The following SNTG1 variants were observed in gnomAD, a reference collection of about 807,000 sequenced individuals.
SNTG1 encodes the protein syntrophin gamma 1, also known as gamma-1-syntrophin.
In SNTG1, 39 loss-of-function variants were observed where a neutral mutation model predicts 74.7. That is an observed-to-expected ratio of 0.52 (90% CI 0.40 to 0.68). The LOEUF (loss-of-function observed/expected upper bound fraction) is 0.68, where lower values mean the gene tolerates loss of function less well. Ranked by LOEUF, SNTG1 falls within the 30% of genes least tolerant of loss-of-function variation. The probability of loss-of-function intolerance (pLI) is 0.00; values close to 1 mark genes in which losing one functional copy is unlikely to be tolerated. For synonymous variants in SNTG1, 254 were observed against 217.1 expected (o/e 1.17, Z -1.49); for missense variants, 685 against 609.5 (o/e 1.12, Z -1.30).
At chr8:50,652,262 C>T (rs1185727074) in intron 13 of SNTG1, among the ~76,000 whole-genome samples, 2 of 152,050 alleles carry the variant, frequency 1.3e-5, no homozygotes, top group South Asian at 4.1e-4. Flanking sequence ...GTAATCACTT[C>T]TTGTCATTTC....
chr8:50,495,981 A>G (rs1037229692), intron 8 of SNTG1, among the ~76,000 whole-genome samples: 3 of 152,154 alleles, frequency 2.0e-5, no homozygotes, highest in Non-Finnish European at 2.9e-5. Flanking sequence ...CAGTTCGTAA[A>G]TGACTGCATA....
chr8:50,028,719 A>C (rs1179804015), intron 1 of SNTG1, among the ~76,000 whole-genome samples: 1 of 152,090 alleles, frequency 6.6e-6, no homozygotes, highest in Non-Finnish European at 1.5e-5. Context: ...GTGCACATGT[A>C]CCCTAAAACT....
chr8:50,248,035 C>T (rs1275517899), intron 2 of SNTG1, among the ~76,000 whole-genome samples: 1 of 152,118 alleles, frequency 6.6e-6, no homozygotes, highest in Non-Finnish European at 1.5e-5. Context: ...TTCACATCTT[C>T]TTCCCTCCAT....
chr8:50,646,932 T>A (rs191357113), intron 13 of SNTG1, among the ~76,000 whole-genome samples: 1 of 152,108 alleles, frequency 6.6e-6, no homozygotes, highest in East Asian at 1.9e-4. Context: ...TAGTTAATCT[T>A]TAAAAAAGGA....
intron 17 of SNTG1, among the ~76,000 whole-genome samples, chr8:50,745,794 C>A (rs571906590): frequency 8.6e-5 from 13 of 152,006 alleles, no homozygotes; most frequent in African/African-American, 2.9e-4. Flanking sequence ...TTTTATGATT[C>A]CCCTTAAATG....
At chr8:50,514,868 C>A (rs1645948377) in intron 9 of SNTG1, among the ~76,000 whole-genome samples, 1 of 152,080 alleles carries the variant, frequency 6.6e-6, no homozygotes, top group African/African-American at 2.4e-5. Flanking sequence ...CCCTTTAATT[C>A]TGTCAAAGTT....
At chr8:50,591,735 T>C (rs1054012932) in intron 13 of SNTG1, among the ~76,000 whole-genome samples, 1 of 152,230 alleles carries the variant, frequency 6.6e-6, no homozygotes, top group East Asian at 1.9e-4. Flanking sequence ...CAAAGCCATG[T>C]GTAACTAGAA....
chr8:49,957,185 A>T (rs905911026), intron 1 of SNTG1, among the ~76,000 whole-genome samples: 1 of 152,190 alleles, frequency 6.6e-6, no homozygotes, highest in Non-Finnish European at 1.5e-5. Context: ...ACTGGTGTTC[A>T]TGTGGGGATC....
chr8:50,285,012 T>C (rs2088685366), intron 2 of SNTG1, among the ~76,000 whole-genome samples: 1 of 152,182 alleles, frequency 6.6e-6, no homozygotes, highest in Non-Finnish European at 1.5e-5. Flanking sequence ...TTTCATTTCA[T>C]TCTGTTTTTT....
chr8:50,277,044 G>T (rs2088155151), intron 2 of SNTG1, among the ~76,000 whole-genome samples: 1 of 152,006 alleles, frequency 6.6e-6, no homozygotes. Context: ...TAGCCAGGAT[G>T]GTCTCGATCT....
At chr8:50,645,065 T>C (rs963759385) in intron 13 of SNTG1, among the ~76,000 whole-genome samples, 30 of 152,026 alleles carry the variant, frequency 2.0e-4, no homozygotes, top group Non-Finnish European at 3.7e-4. Flanking sequence ...CTCAGCTGCT[T>C]TCAGTTGTAA....
At chr8:50,401,149 T>C (rs4410921) in intron 3 of SNTG1, among the ~76,000 whole-genome samples, 104,503 of 151,868 alleles carry the variant, frequency 0.69, 36,170 homozygotes, top group East Asian at 0.84. Context: ...CATATATATA[T>C]TCCACTATCT....
At chr8:50,151,322 C>A (rs373033427) in intron 1 of SNTG1, among the ~76,000 whole-genome samples, 1 of 151,968 alleles carries the variant, frequency 6.6e-6, no homozygotes, top group African/African-American at 2.4e-5. Context: ...ATTAGTCTTG[C>A]TAGTGGTCTA....
chr8:50,549,257 AG>A (rs5891374), intron 11 of SNTG1, among the ~76,000 whole-genome samples: 14,081 of 152,216 alleles, frequency 0.093, 849 homozygotes, highest in Middle Eastern at 0.26. Flanking sequence ...TAGTGCACAC[AG>A]GGAAGAAACA....
At chr8:50,606,307 C>G (rs1050623910) in intron 13 of SNTG1, among the ~76,000 whole-genome samples, 2 of 152,022 alleles carry the variant, frequency 1.3e-5, no homozygotes, top group Non-Finnish European at 2.9e-5. Context: ...TAGCTCTCTA[C>G]CTTTCTTAGA....
intron 8 of SNTG1, among the ~76,000 whole-genome samples, chr8:50,498,500 T>C (rs898859697): frequency 3.3e-5 from 5 of 152,006 alleles, no homozygotes; most frequent in Admixed American, 6.5e-5. Flanking sequence ...TCCAAGTATA[T>C]ATTATTTATC....
At chr8:50,590,254 G>A (rs2094683166) in intron 12 of SNTG1, among the ~76,000 whole-genome samples, 1 of 152,096 alleles carries the variant, frequency 6.6e-6, no homozygotes, top group Admixed American at 6.6e-5. Context: ...AAGCACTATT[G>A]AAGAAAGACT....
chr8:50,355,117 C>G (rs1276626528), intron 2 of SNTG1, among the ~76,000 whole-genome samples: 1 of 152,096 alleles, frequency 6.6e-6, no homozygotes, highest in East Asian at 1.9e-4. Flanking sequence ...ACTTTTCACT[C>G]CTACACTATT....
At chr8:50,411,248 G>T (rs2092944588) in intron 4 of SNTG1, among the ~76,000 whole-genome samples, 1 of 151,812 alleles carries the variant, frequency 6.6e-6, no homozygotes, top group African/African-American at 2.4e-5. Flanking sequence ...GGAGATCGAG[G>T]CTATCCTGGC....
Sources: allele counts gnomAD v4.1 joint callset (sites outside exome capture counted in the v4.1 genomes callset), GRCh38; gene constraint gnomAD v4.1.1; transcripts MANE v1.5; gene names NCBI Gene and HGNC (gene_info 2026-07-23, HGNC 2026-07-21).